ZCCHC14: variants seen among roughly 807,000 people sequenced by gnomAD.
The protein encoded by ZCCHC14 is zinc finger CCHC domain-containing protein 14.
A neutral mutation model predicts 85.0 loss-of-function variants in ZCCHC14; 16 were observed. The observed-to-expected ratio is 0.19, with a 90% CI of 0.13 to 0.29. The LOEUF (loss-of-function observed/expected upper bound fraction) is 0.29. Among genes scored for constraint, ZCCHC14 ranks in the 10% least tolerant of loss-of-function variants. The pLI is 1.00. For missense variants in ZCCHC14, 1,303 were observed against 1,443.5 expected, an observed-to-expected ratio of 0.90 and a Z score of 1.58; for synonymous variants, 775 against 630.7, an observed-to-expected ratio of 1.23 and a Z score of -3.43.
intron 1 of ZCCHC14, chr16:87,467,126 G>T (rs887158684): frequency 3.5e-6 from 3 of 859,694 alleles, no homozygotes; most frequent in Non-Finnish European, 5.6e-6. Flanking sequence ...CTCAAAAGTG[G>T]TCCTCCACCA....
intron 2 of ZCCHC14, among the ~76,000 whole-genome samples, chr16:87,442,058 T>C (rs559083454): frequency 2.0e-5 from 3 of 152,314 alleles, no homozygotes; most frequent in Admixed American, 6.5e-5. Flanking sequence ...GGGGAGCCCC[T>C]GGGAACTGGA....
At chr16:87,450,641 G>T (rs924942810) in intron 2 of ZCCHC14, among the ~76,000 whole-genome samples, 2 of 150,752 alleles carry the variant, frequency 1.3e-5, no homozygotes, top group Non-Finnish European at 2.9e-5. Flanking sequence ...CATGATCTCG[G>T]CTCATTGCAA....
intron 2 of ZCCHC14, among the ~76,000 whole-genome samples, chr16:87,459,690 G>T (rs1462786815): frequency 1.3e-5 from 2 of 152,016 alleles, no homozygotes. Context: ...TGTATTTTTA[G>T]TAGAGATGGG....
chr16:87,441,195 T>C lies in ZCCHC14; in HGVS notation c.695-7994A>G, dbSNP rs559655015. Among the ~76,000 whole-genome samples, 62 of 152,024 alleles carry C rather than the reference T, an allele frequency of 4.1e-4. 3 individuals carry two copies. In the South Asian group the frequency reaches 0.013, roughly 31 times the overall value. On this transcript the variant is annotated intron_variant, in intron 2 of 12. Transcript: ENST00000671377. ...TTTTAGTAGACACTGGGTTTCACCGTGTTAGCCAGGATGGTCTCGATCTCC... is the reference window on the plus strand; with the variant it reads ...TTTTAGTAGACACTGGGTTTCACCGCGTTAGCCAGGATGGTCTCGATCTCC...
intron 7 of ZCCHC14, among the ~76,000 whole-genome samples, chr16:87,418,593 C>T (rs1411068956): frequency 1.3e-5 from 2 of 152,244 alleles, no homozygotes; most frequent in South Asian, 4.1e-4. Context: ...CTCGGAAATT[C>T]TGACTTTCTA....
intron 1 of ZCCHC14, among the ~76,000 whole-genome samples, chr16:87,466,959 A>G (rs973761524): frequency 7.9e-5 from 12 of 151,810 alleles, no homozygotes; most frequent in Non-Finnish European, 1.8e-4. Context: ...AACAGTATTC[A>G]CATCAGCATG....
At position 87,460,138 on chromosome 16, in the gene ZCCHC14, G is replaced by A; in HGVS notation, c.571-7C>T. The A allele has an allele frequency of 1.9e-6, 3 of 1,613,052 alleles. No individual in the cohort carries two copies. Among genetic ancestry groups the A allele is most frequent in the Non-Finnish European group, 2.5e-6 (3 of 1,179,504 alleles). On this transcript the variant is annotated splice_region_variant and splice_polypyrimidine_tract_variant and intron_variant, in intron 1 of 12. Coordinates refer to ENST00000671377, the MANE Select transcript of ZCCHC14 (RefSeq NM_015144.3). Reference sequence around the variant, plus strand: ...CCTCAGTTCTTGGAGTGATCTGAGGGAACAGAAACAGAATCATCTTATTTT... The same window carrying A: ...CCTCAGTTCTTGGAGTGATCTGAGGAAACAGAAACAGAATCATCTTATTTT...
Position 87,412,750 on chromosome 16 carries a change from G to A in ZCCHC14, c.1971C>T (p.Ser657=), listed in dbSNP as rs777471849. 1.4e-5 allele frequency: 22 copies of A among 1,614,056 alleles called. No individual in the cohort carries two copies. In the East Asian group the frequency reaches 2.0e-4, roughly 15 times the overall value. The change falls in exon 12 of 13, where the codon AGC becomes AGT. Residue 657 remains serine, a synonymous_variant. Transcript: ENST00000671377. ...AAGACGAGAGGAGCTTCATGTCCGC[G>A]CTCCCTCTTTCCGGCTTGTGCACGG... is the stretch of plus-strand genomic sequence containing the variant. ...LNSVHKPERG[S]ADMKLLSSSV...
At chr16:87,467,154 G>C (rs1911562391) in intron 1 of ZCCHC14, 1 of 1,198,388 alleles carries the variant, frequency 8.3e-7, no homozygotes, top group Non-Finnish European at 1.2e-6. Context: ...CCTGTTGATA[G>C]ATGAAAACTG....
rs201424236 is a variant in ZCCHC14, at chr16:87,415,385, A to G, written c.1384-18T>C. On this transcript the variant is annotated intron_variant, in intron 8 of 12. Transcript: ENST00000671377. The stretch of plus-strand genomic sequence containing the variant: ...CTCAAAAACTTTCACAGAAAAAACA[A>G]ATTACAAAGTTACGGAGACATAAGT... The G allele has an allele frequency of 3.8e-4, 609 of 1,607,846 alleles. 4 individuals carry two copies. In the African/African-American group the frequency reaches 7.3e-3, roughly 19 times the overall value.
chr16:87,463,747 C>T (rs984723424), intron 1 of ZCCHC14, among the ~76,000 whole-genome samples: 4 of 152,096 alleles, frequency 2.6e-5, no homozygotes, highest in African/African-American at 9.7e-5. Context: ...CGCTTCAACG[C>T]GGGAGGTGGA....
rs367663792 is a variant in ZCCHC14 at position 87,412,485 on chromosome 16, C to A, written c.2236G>T (p.Ala746Ser). The A allele has an allele frequency of 2.5e-6, 4 of 1,613,898 alleles. No homozygotes were observed. In the African/African-American group the frequency reaches 4.0e-5, roughly 16 times the overall value. Residue 746 changes from alanine to serine, a missense_variant, in exon 12 of 13, where the codon GCA becomes TCA. Ala to Ser is a moderately conservative substitution (Grantham distance 99). This residue lies in a region of ZCCHC14 where 797 missense variants were observed against 730.8 expected (regional missense o/e 1.09). Transcript: ENST00000671377. ...TCCACGACCAGGGCCGGTTGCTGTGCTGTCTTCAGCACCCTGTCCAGCGTG... is the reference window on the plus strand; with the variant it reads ...TCCACGACCAGGGCCGGTTGCTGTGATGTCTTCAGCACCCTGTCCAGCGTG... ...ASTLDRVLKT[A>S]QQPALVVETS... is the part of the protein sequence containing the mutation.
At chr16:87,462,193 A>G (rs936872720) in intron 1 of ZCCHC14, among the ~76,000 whole-genome samples, 17 of 152,050 alleles carry the variant, frequency 1.1e-4, no homozygotes, top group Admixed American at 2.0e-4. Flanking sequence ...ACTTAATAAC[A>G]TGTTATCAAG....
chr16:87,434,188 A>G (rs908872351), intron 2 of ZCCHC14, among the ~76,000 whole-genome samples: 2 of 152,244 alleles, frequency 1.3e-5, no homozygotes, highest in African/African-American at 4.8e-5. Context: ...ATCAAAAATA[A>G]GATGATACAA....
In ZCCHC14 at chr16:87,428,544, AT is replaced by A. The variant is rs200210317; in HGVS notation, c.768+4583del. Among the ~76,000 whole-genome samples the A allele has an allele frequency of 2.6e-3, 401 of 151,626 alleles. 2 individuals carry two copies. The highest frequency in any genetic ancestry group is 7.9e-3 in the South Asian group (38 of 4,800). ...AAAAGGAAAATTTGAATCTTCAAGT[AT>A]TTTTTTTTAACAAAAGGAGTTGTAA... On this transcript the variant is annotated intron_variant, in intron 3 of 12. Coordinates refer to ENST00000671377, the MANE Select transcript of ZCCHC14 (RefSeq NM_015144.3).
At position 87,491,440 on chromosome 16, in the gene ZCCHC14, G is replaced by A. The variant is rs553450382; in HGVS notation, c.570+229C>T. Among the ~76,000 whole-genome samples, 1 of 152,106 alleles carries A rather than the reference G, an allele frequency of 6.6e-6. No homozygotes were observed. The highest frequency in any genetic ancestry group is 1.9e-4 in the East Asian group (1 of 5,158). On this transcript the variant is annotated intron_variant, in intron 1 of 12. Transcript: ENST00000671377. The surrounding 1 kb of genome is among the most constrained non-coding windows in gnomAD (Gnocchi z 5.9). Reference sequence around the variant, plus strand: ...GTACGGCGGAGGCTTGGGATGTACGGTGGAGGCTTGGAGAGGTGGGGCACA... The same window carrying A: ...GTACGGCGGAGGCTTGGGATGTACGATGGAGGCTTGGAGAGGTGGGGCACA...
At chr16:87,429,021 G>A (rs1909516388) in intron 3 of ZCCHC14, among the ~76,000 whole-genome samples, 1 of 152,228 alleles carries the variant, frequency 6.6e-6, no homozygotes, top group African/African-American at 2.4e-5. Context: ...AAACACTCAT[G>A]CATGAATCTT....
intron 2 of ZCCHC14, among the ~76,000 whole-genome samples, chr16:87,448,299 T>C (rs534162504): frequency 1.3e-5 from 2 of 152,342 alleles, no homozygotes; most frequent in South Asian, 4.1e-4. Flanking sequence ...AATGTTAGCC[T>C]GATTCTGGTT....
At chr16:87,417,408 C>T in intron 8 of ZCCHC14, 52 bp downstream of exon 8, 1 of 1,588,944 alleles carries the variant, frequency 6.3e-7, no homozygotes, top group Middle Eastern at 1.7e-4. Context: ...CCAGGGAGGT[C>T]TTGAGTAAAC....
Sources: gnomAD v4.1 joint callset for allele counts (sites outside exome capture counted in the v4.1 genomes callset) on GRCh38, gnomAD v4.1.1 for gene constraint, gnomAD v4.1.1 regional missense constraint, Gnocchi (gnomAD v3.1) non-coding constraint, MANE v1.5 for transcripts, NCBI Gene and HGNC (gene_info 2026-07-23, HGNC 2026-07-21) for gene names.